The following CRTC3 variants were observed in gnomAD, a reference collection of about 807,000 sequenced individuals.
The protein encoded by CRTC3 is CREB regulated transcription coactivator 3, also known as CREB-regulated transcription coactivator 3.
In CRTC3, 26 loss-of-function variants were observed where a neutral mutation model predicts 74.5. The ratio of observed to expected loss-of-function variants is 0.35; its 90% confidence interval spans 0.26 to 0.48. The LOEUF (loss-of-function observed/expected upper bound fraction) is 0.48, where lower values mean the gene tolerates loss of function less well. Ranked by LOEUF, CRTC3 falls within the 20% of genes least tolerant of loss-of-function variation. The probability of loss-of-function intolerance (pLI) is 0.99; values close to 1 mark genes in which losing one functional copy is unlikely to be tolerated. For missense variants in CRTC3, 760 were observed against 787.3 expected (o/e 0.97, Z 0.41); for synonymous variants, 377 against 325.8 (o/e 1.16, Z -1.69).
Position 90,642,253 on chromosome 15 carries a change from A to G in CRTC3, c.*113A>G, listed in dbSNP as rs2286287. ...CGTTATCTTGACATAGAAGGAAGCA[A>G]TGCCACGGCTCCAGGGTTTCAGATG... On this transcript the variant is annotated 3_prime_UTR_variant, in exon 15 of 15. Transcript: ENST00000268184. 156,340 of 818,464 alleles carry G rather than the reference A, an allele frequency of 0.19. 15,868 individuals are homozygous for G. Among genetic ancestry groups the G allele is most frequent in the African/African-American group, 0.34 (20,048 of 59,546 alleles). The allele number at this position is 818,464 out of a possible 1,614,324, so 50.7% of individuals were successfully genotyped here.
chr15:90,619,248 G>C (rs541324590), intron 8 of CRTC3, among the ~76,000 whole-genome samples: 15 of 152,292 alleles, frequency 9.8e-5, no homozygotes, highest in African/African-American at 3.6e-4. Flanking sequence ...CCTGAGGTCG[G>C]GAGTTTGAGA....
chr15:90,590,456 A>G (rs1436794731), intron 2 of CRTC3, among the ~76,000 whole-genome samples: 1 of 151,296 alleles, frequency 6.6e-6, no homozygotes. Flanking sequence ...GCTGGAGTGC[A>G]GTGGCATGAT....
chr15:90,537,606 G>C (rs866717580), intron 1 of CRTC3, among the ~76,000 whole-genome samples: 1 of 152,104 alleles, frequency 6.6e-6, no homozygotes, highest in Non-Finnish European at 1.5e-5. Context: ...GGATGGTCTC[G>C]ATCTCCTGAC....
intron 1 of CRTC3, among the ~76,000 whole-genome samples, chr15:90,532,350 G>C (rs1453597884): frequency 1.3e-5 from 2 of 152,214 alleles, no homozygotes; most frequent in African/African-American, 4.8e-5. Flanking sequence ...TATGAAGAAT[G>C]CGTCTCTAAG....
At chr15:90,606,481 G>A (rs909837193) in intron 5 of CRTC3, among the ~76,000 whole-genome samples, 1 of 152,044 alleles carries the variant, frequency 6.6e-6, no homozygotes, top group African/African-American at 2.4e-5. Context: ...AGAATTTCTT[G>A]AACACGGGAG....
At position 90,614,552 on chromosome 15, in the gene CRTC3, A is replaced by G. The variant is rs373476835; in HGVS notation, c.613+64A>G. 1.8e-4 allele frequency: 191 copies of G among 1,053,036 alleles called. No homozygotes were observed. The African/African-American group carries it at 2.8e-3, about 15-fold the overall frequency. The allele number at this position is 1,053,036 out of a possible 1,614,324, so 65.2% of individuals were successfully genotyped here. A position where few individuals can be genotyped will look rare whatever the true frequency, so the allele number is the denominator to read the frequency against. The stretch of plus-strand genomic sequence containing the variant: ...GCTGATTAGTGGACATAACCTTTCA[A>G]TACCTTTACTAATAAATATTCATGT... On this transcript the variant is annotated intron_variant, in intron 7 of 14. Transcript: ENST00000268184.
At chr15:90,573,822 A>G (rs1967335042) in intron 2 of CRTC3, among the ~76,000 whole-genome samples, 1 of 152,162 alleles carries the variant, frequency 6.6e-6, no homozygotes, top group Admixed American at 6.5e-5. Flanking sequence ...TATCCTCTCC[A>G]TCTCTGTCCT....
At chr15:90,547,512 C>T (rs1966846361) in intron 2 of CRTC3, among the ~76,000 whole-genome samples, 1 of 152,018 alleles carries the variant, frequency 6.6e-6, no homozygotes, top group Admixed American at 6.6e-5. Context: ...TTTTTCTAAC[C>T]CAATGAGCCC....
chr15:90,530,314 G>T lies in CRTC3; in HGVS notation c.132+111G>T, dbSNP rs1185753382. ...GATGGCGGGGCCGGGCGGGGGCCGC[G>T]CCCGGGAACCGGCGGCTGGGAGGGG... On this transcript the variant is annotated intron_variant, in intron 1 of 14. Transcript: ENST00000268184. This position sits in a 1 kb window ranked among gnomAD's most constrained non-coding sequence, Gnocchi z 6.2. The T allele has an allele frequency of 1.8e-5, 11 of 628,452 alleles. No homozygotes were observed. In the African/African-American group the frequency reaches 2.2e-4, roughly 13 times the overall value. The allele number at this position is 628,452 out of a possible 1,614,324, so 38.9% of individuals were successfully genotyped here. A position where few individuals can be genotyped will look rare whatever the true frequency, so the allele number is the denominator to read the frequency against.
At chr15:90,584,009 C>A (rs1386038732) in intron 2 of CRTC3, among the ~76,000 whole-genome samples, 1 of 152,008 alleles carries the variant, frequency 6.6e-6, no homozygotes, top group African/African-American at 2.4e-5. Context: ...ACGACTCCCC[C>A]ACTTGTCATG....
chr15:90,577,190 G>A (rs1392666296), intron 2 of CRTC3, among the ~76,000 whole-genome samples: 2 of 152,148 alleles, frequency 1.3e-5, no homozygotes, highest in South Asian at 2.1e-4. Flanking sequence ...ACCATTATAA[G>A]TGCTGGGATT....
chr15:90,579,582 T>C (rs1219863494), intron 2 of CRTC3, among the ~76,000 whole-genome samples: 1 of 152,126 alleles, frequency 6.6e-6, no homozygotes, highest in Admixed American at 6.5e-5. Flanking sequence ...GTAAATTTCA[T>C]TGTGATTTTA....
intron 9 of CRTC3, among the ~76,000 whole-genome samples, chr15:90,625,233 GCTT>G (rs1398822990): frequency 5.3e-5 from 8 of 152,228 alleles, no homozygotes; most frequent in Admixed American, 4.6e-4. Context: ...CACTCGCCCT[GCTT>G]GTTCATCATG....
At position 90,644,552 on chromosome 15, in the gene CRTC3, T is replaced by G. The variant is rs1179936215; in HGVS notation, c.*2412T>G. The stretch of plus-strand genomic sequence containing the variant: ...TCCAGGTGACTTGTGAAAACAGACC[T>G]CCGGGGAAGTGATTTATTGGGGGTG... On this transcript the variant is annotated 3_prime_UTR_variant, in exon 15 of 15. Transcript: ENST00000268184. The G allele has an allele frequency of 4.3e-6, 1 of 232,774 alleles. No individual in the cohort carries two copies. The highest frequency in any genetic ancestry group is 8.5e-6 in the Non-Finnish European group (1 of 117,948). The allele number at this position is 232,774 out of a possible 1,614,324, so 14.4% of individuals were successfully genotyped here.
intron 2 of CRTC3, among the ~76,000 whole-genome samples, chr15:90,565,442 A>C (rs8031453): frequency 0.085 from 13,002 of 152,178 alleles, 641 homozygotes; most frequent in Middle Eastern, 0.16. Flanking sequence ...ATTAGGACAA[A>C]TTTTTGAGTG....
chr15:90,533,435 AAAG>A (rs1478988597), intron 1 of CRTC3, among the ~76,000 whole-genome samples: 1 of 151,904 alleles, frequency 6.6e-6, no homozygotes, highest in Admixed American at 6.6e-5. Context: ...AAAAAAAAAA[AAAG>A]GGAAGAAAGT....
In CRTC3 at chr15:90,643,153, A is replaced by G. The variant is rs1309419238; in HGVS notation, c.*1013A>G. On this transcript the variant is annotated 3_prime_UTR_variant, in exon 15 of 15. Transcript: ENST00000268184. The stretch of plus-strand genomic sequence containing the variant: ...TATCATTGTTGAACCCGTAGCACCT[A>G]ACACGTGCGTGGCAGCACAGTCGTG... The G allele has an allele frequency of 8.6e-6, 2 of 232,148 alleles. No individual in the cohort carries two copies. The highest frequency in any genetic ancestry group is 4.4e-5 in the African/African-American group (2 of 45,276). 14.4% of individuals were successfully genotyped at this position (232,148 alleles called of 1,614,324 possible). A position where few individuals can be genotyped will look rare whatever the true frequency, so the allele number is the denominator to read the frequency against.
At chr15:90,572,412 GA>G (rs1442044651) in intron 2 of CRTC3, among the ~76,000 whole-genome samples, 1 of 152,162 alleles carries the variant, frequency 6.6e-6, no homozygotes, top group Non-Finnish European at 1.5e-5. Context: ...GTATTTGTGA[GA>G]TATGTTCCTA....
At chr15:90,581,772 C>G (rs1189028741) in intron 2 of CRTC3, among the ~76,000 whole-genome samples, 2 of 152,180 alleles carry the variant, frequency 1.3e-5, no homozygotes, top group African/African-American at 4.8e-5. Flanking sequence ...AAATTACAAT[C>G]TCTTCTAAAC....
Sources: allele counts gnomAD v4.1 joint callset (sites outside exome capture counted in the v4.1 genomes callset), GRCh38; gene constraint gnomAD v4.1.1; non-coding constraint Gnocchi (gnomAD v3.1); transcripts MANE v1.5; gene names NCBI Gene and HGNC (gene_info 2026-07-23, HGNC 2026-07-21).